Variants in TXNRD1 observed in about 807,000 individuals in gnomAD.
TXNRD1 encodes thioredoxin reductase 1, cytoplasmic.
TXNRD1 carries 57 observed loss-of-function variants against 80.3 expected under a neutral mutation model. That is an observed-to-expected ratio of 0.71 (90% CI 0.57 to 0.89). The LOEUF is 0.89. TXNRD1 is among the 40% of genes least tolerant of loss of function. The pLI, the probability that TXNRD1 is intolerant of heterozygous loss-of-function variation, is 0.00. For synonymous variants in TXNRD1, 291 were observed against 285.2 expected (o/e 1.02, Z -0.20); for missense variants, 730 against 803.0 (o/e 0.91, Z 1.10).
At chr12:104,346,298 C>G (rs148377876) in intron 16 of TXNRD1, 1 of 177,354 alleles carries the variant, frequency 5.6e-6, no homozygotes, top group Non-Finnish European at 1.2e-5. Flanking sequence ...CAGGCGTGAG[C>G]CACGGTGCCT....
At chr12:104,333,187 A>T (rs911443566) in intron 14 of TXNRD1, among the ~76,000 whole-genome samples, 1 of 152,034 alleles carries the variant, frequency 6.6e-6, no homozygotes, top group Non-Finnish European at 1.5e-5. Flanking sequence ...ACATCTTCAT[A>T]ATTCATTGTT....
intron 4 of TXNRD1, chr12:104,304,776 C>CA (rs1565889993): frequency 6.2e-7 from 1 of 1,613,886 alleles, no homozygotes; most frequent in Non-Finnish European, 8.5e-7. Context: ...GACAGGCTGC[C>CA]AATATTAGAG....
intron 16 of TXNRD1, among the ~76,000 whole-genome samples, chr12:104,341,499 T>C (rs1482114348): frequency 6.6e-6 from 1 of 152,186 alleles, no homozygotes; most frequent in East Asian, 1.9e-4. Flanking sequence ...AGGGTAGATA[T>C]AAAGTGCTGG....
intron 1 of TXNRD1, among the ~76,000 whole-genome samples, chr12:104,225,591 G>C (rs957422844): frequency 2.0e-5 from 3 of 152,088 alleles, no homozygotes; most frequent in Non-Finnish European, 4.4e-5. Flanking sequence ...GTTTTATAAA[G>C]GGCTTCCCCC....
intron 3 of TXNRD1, chr12:104,282,946 C>G (rs1200821612): frequency 6.6e-6 from 1 of 152,198 alleles, no homozygotes; most frequent in Non-Finnish European, 1.5e-5. Context: ...ATCCTCCTGC[C>G]TCAGCCTCCC....
At position 104,315,826 on chromosome 12, in the gene TXNRD1, G is replaced by C. The variant is rs1205872643; in HGVS notation, c.660G>C (p.Met220Ile). The C allele has an allele frequency of 6.2e-7, 1 of 1,612,708 alleles. No individual in the cohort carries two copies. The highest frequency in any genetic ancestry group is 8.5e-7 in the Non-Finnish European group (1 of 1,179,084). ...TGGGTTGCATACCTAAAAAACTGAT[G>C]CATCAAGCAGCTTTGTTAGGACAAG... Reference protein sequence around the residue: ...VNVGCIPKKLMHQAALLGQAL... With the variant: ...VNVGCIPKKLIHQAALLGQAL... The change falls in exon 7 of 17, where the codon ATG becomes ATC. Residue 220 changes from methionine (M) to isoleucine (I), a missense_variant. Met to Ile is a conservative substitution (Grantham distance 10). Coordinates refer to ENST00000525566, the MANE Select transcript of TXNRD1 (RefSeq NM_001093771.3).
chr12:104,265,773 C>T, intron 3 of TXNRD1: 5 of 1,578,924 alleles, frequency 3.2e-6, no homozygotes, highest in East Asian at 2.2e-5. Flanking sequence ...TCCCGCTGCC[C>T]CACCGGGTCC....
intron 10 of TXNRD1, among the ~76,000 whole-genome samples, chr12:104,323,541 C>T (rs1472441246): frequency 7.2e-6 from 1 of 139,860 alleles, no homozygotes. Flanking sequence ...CTGACACCCC[C>T]ACCTCCCTCC....
chr12:104,317,291 A>G (rs2035362967), intron 7 of TXNRD1, among the ~76,000 whole-genome samples: 1 of 151,914 alleles, frequency 6.6e-6, no homozygotes. Flanking sequence ...GGTTAGTCCA[A>G]GCTTCCTGCA....
At chr12:104,227,289 T>A (rs1057175347) in intron 1 of TXNRD1, among the ~76,000 whole-genome samples, 16 of 152,100 alleles carry the variant, frequency 1.1e-4, no homozygotes, top group Non-Finnish European at 1.6e-4. Context: ...GGAGAAAGGG[T>A]CTTGCTCTGT....
At chr12:104,279,199 C>G (rs1219981280) in intron 3 of TXNRD1, among the ~76,000 whole-genome samples, 1 of 152,166 alleles carries the variant, frequency 6.6e-6, no homozygotes, top group Admixed American at 6.5e-5. Context: ...ATTTTCATCA[C>G]CACAGAAAGT....
At chr12:104,270,295 A>G (rs2135723895) in intron 3 of TXNRD1, among the ~76,000 whole-genome samples, 1 of 152,356 alleles carries the variant, frequency 6.6e-6, no homozygotes, top group African/African-American at 2.4e-5. Flanking sequence ...TATTTCTTAA[A>G]TAATAAGACT....
intron 12 of TXNRD1, among the ~76,000 whole-genome samples, chr12:104,326,836 T>C (rs2035783465): frequency 6.6e-6 from 1 of 151,752 alleles, no homozygotes; most frequent in African/African-American, 2.4e-5. Flanking sequence ...AGTTTTTTGT[T>C]GGTATGTTTG....
At chr12:104,285,452 A>T (rs1480468246) in intron 3 of TXNRD1, among the ~76,000 whole-genome samples, 2 of 152,216 alleles carry the variant, frequency 1.3e-5, no homozygotes, top group Admixed American at 1.3e-4. Context: ...CTTAGGAACA[A>T]TGTGAAGTTA....
At chr12:104,287,472 A>G in intron 3 of TXNRD1, 1 of 1,609,992 alleles carries the variant, frequency 6.2e-7, no homozygotes, top group Non-Finnish European at 8.5e-7. Context: ...CTTGAAATGT[A>G]GATGACAATG....
intron 4 of TXNRD1, among the ~76,000 whole-genome samples, chr12:104,294,242 C>CCCCCCCCCCCG: frequency 8.4e-6 from 1 of 119,148 alleles, no homozygotes; most frequent in Non-Finnish European, 1.8e-5. Context: ...GGCCCCCCCC[C>CCCCCCCCCCCG]CCGCCGCCGG....
At chr12:104,289,882 G>C (rs762556778) in intron 4 of TXNRD1, among the ~76,000 whole-genome samples, 2 of 152,018 alleles carry the variant, frequency 1.3e-5, no homozygotes, top group African/African-American at 2.4e-5. Flanking sequence ...ACAGGTGCCC[G>C]CCACTACACC....
intron 3 of TXNRD1, among the ~76,000 whole-genome samples, chr12:104,267,165 C>CAA (rs925258421): frequency 3.9e-4 from 21 of 53,838 alleles, no homozygotes; most frequent in African/African-American, 1.5e-3. Context: ...GACTCCCTCT[C>CAA]AAAAAAAAAA....
Position 104,318,930 on chromosome 12 carries a change from A to G in TXNRD1, c.748A>G (p.Arg250Gly). 6.2e-7 allele frequency: 1 copy of G among 1,612,284 alleles called. No homozygotes were observed. Among genetic ancestry groups the G allele is most frequent in the Non-Finnish European group, 8.5e-7 (1 of 1,179,484 alleles). Residue 250 changes from arginine (R) to glycine (G), a missense_variant, in exon 8 of 17, where the codon AGA becomes GGA. Coordinates refer to ENST00000525566, the MANE Select transcript of TXNRD1 (RefSeq NM_001093771.3). The part of the protein sequence containing the change: ...VEETVKHDWD[R>G]MIEAVQNHIG... ...TTATACAGTTAAGCATGATTGGGAC[A>G]GAATGATAGAAGCTGTACAGAATCA...
Sources: allele counts gnomAD v4.1 joint callset (sites outside exome capture counted in the v4.1 genomes callset), GRCh38; gene constraint gnomAD v4.1.1; transcripts MANE v1.5; gene names NCBI Gene and HGNC (gene_info 2026-07-23, HGNC 2026-07-21).